TNRC6C: variants seen among roughly 807,000 people sequenced by gnomAD.
TNRC6C encodes trinucleotide repeat containing adaptor 6C.
In TNRC6C, 20 loss-of-function variants were observed where a neutral mutation model predicts 153.7. That is an observed-to-expected ratio of 0.13 (90% confidence interval 0.09 to 0.19). The LOEUF is 0.19. Among genes scored for constraint, TNRC6C ranks in the 10% least tolerant of loss-of-function variants. TNRC6C has a pLI of 1.00. For synonymous variants in TNRC6C, 811 were observed against 841.4 expected (o/e 0.96, Z 0.63); for missense variants, 1,987 against 2,172.0 (o/e 0.91, Z 1.69).
At chr17:77,966,385 A>G (rs1362207304) in intron 1 of TNRC6C, among the ~76,000 whole-genome samples, 1 of 152,178 alleles carries the variant, frequency 6.6e-6, no homozygotes, top group Non-Finnish European at 1.5e-5. Context: ...CTGTCTGTGC[A>G]AGGTGATGCC....
At chr17:77,960,579 A>AG (rs2070853738) in intron 1 of TNRC6C, among the ~76,000 whole-genome samples, 1 of 152,200 alleles carries the variant, frequency 6.6e-6, no homozygotes, top group Non-Finnish European at 1.5e-5. Context: ...TGAAATGTGT[A>AG]GGGGGTGTTG....
intron 3 of TNRC6C, among the ~76,000 whole-genome samples, chr17:78,062,603 A>G (rs1190357676): frequency 6.6e-6 from 1 of 152,256 alleles, no homozygotes; most frequent in Non-Finnish European, 1.5e-5. Context: ...CTGTCAACAT[A>G]TCAACAGTGT....
intron 16 of TNRC6C, among the ~76,000 whole-genome samples, chr17:78,095,716 A>G (rs1213200323): frequency 6.6e-6 from 1 of 152,166 alleles, no homozygotes; most frequent in Non-Finnish European, 1.5e-5. Flanking sequence ...GGGGAGTACA[A>G]TGAACATCTC....
Position 78,075,178 on chromosome 17 carries a change from T to C in TNRC6C, c.2960T>C (p.Leu987Pro), listed in dbSNP as rs1314492147. 1.2e-6 allele frequency: 2 copies of C among 1,612,610 alleles called. No individual in the cohort carries two copies. The highest frequency in any genetic ancestry group is 1.7e-5 in the Admixed American group (1 of 59,826). ...AAGGTGGACGTGGACAAGCGTGGGC[T>C]GGGAGTGACCGACCATAATGGAATG... Residue 987 changes from leucine (L) to proline (P), a missense_variant, in exon 8 of 20, where the codon CTG (leucine) becomes CCG (proline). Physicochemically the swap from Leu to Pro is moderately conservative, Grantham distance 98. Transcript: ENST00000301624. This position sits in a 1 kb window ranked among gnomAD's most constrained non-coding sequence, Gnocchi z 4.2.
intron 1 of TNRC6C, among the ~76,000 whole-genome samples, chr17:77,974,692 G>C (rs901812432): frequency 6.6e-5 from 10 of 152,322 alleles, no homozygotes; most frequent in African/African-American, 2.4e-4. Context: ...GTTATGTGTA[G>C]TCAGGGTGAT....
At chr17:78,098,719 G>A (rs998533727) in intron 17 of TNRC6C, among the ~76,000 whole-genome samples, 182 bp downstream of exon 20, 2 of 152,154 alleles carry the variant, frequency 1.3e-5, no homozygotes, top group African/African-American at 2.4e-5. Flanking sequence ...TGAGCCTGGT[G>A]TTTTTAGCAT....
At chr17:78,070,064 A>G (rs760812960) in intron 5 of TNRC6C, among the ~76,000 whole-genome samples, 2 of 152,242 alleles carry the variant, frequency 1.3e-5, no homozygotes, top group African/African-American at 2.4e-5. Context: ...TATAGTTTAT[A>G]AAAGCATTCA....
chr17:78,082,435 CAGAA>C (rs780592730), intron 10 of TNRC6C, among the ~76,000 whole-genome samples: 1 of 152,094 alleles, frequency 6.6e-6, no homozygotes, highest in Non-Finnish European at 1.5e-5. Flanking sequence ...AGCCTTAAAA[CAGAA>C]ACACAGTCTG....
At chr17:78,009,215 G>GTT (rs1555629770) in intron 1 of TNRC6C, among the ~76,000 whole-genome samples, 1 of 152,126 alleles carries the variant, frequency 6.6e-6, no homozygotes, top group Non-Finnish European at 1.5e-5. Flanking sequence ...ACTGGCATGG[G>GTT]TTTTATGACC....
intron 3 of TNRC6C, among the ~76,000 whole-genome samples, chr17:78,059,778 A>G (rs974418766): frequency 8.0e-5 from 12 of 149,752 alleles, no homozygotes; most frequent in Admixed American, 4.7e-4. Flanking sequence ...GAGCCCAGGG[A>G]GGTGAAGGCT....
intron 1 of TNRC6C, 64 bp downstream of exon 3, chr17:78,005,143 G>GA: frequency 8.9e-7 from 1 of 1,118,658 alleles, no homozygotes. Flanking sequence ...TGACCAGGAT[G>GA]ACTTTTTTTT....
intron 1 of TNRC6C, among the ~76,000 whole-genome samples, chr17:77,965,670 G>T (rs922807518): frequency 1.3e-5 from 2 of 152,118 alleles, no homozygotes; most frequent in African/African-American, 4.8e-5. Flanking sequence ...AGAGAAATGG[G>T]CACCAAACAA....
At chr17:78,100,586 A>G (rs367821768) in intron 17 of TNRC6C, among the ~76,000 whole-genome samples, 49 of 152,304 alleles carry the variant, frequency 3.2e-4, no homozygotes, top group African/African-American at 1.1e-3. Context: ...GGCCTGGCCC[A>G]TGAAGCCATT....
chr17:77,992,053 C>T (rs772744482), intron 1 of TNRC6C, among the ~76,000 whole-genome samples: 12 of 152,194 alleles, frequency 7.9e-5, no homozygotes, highest in Non-Finnish European at 1.5e-4. Flanking sequence ...ATTTGAAAGA[C>T]CTTCCGAGCC....
At chr17:78,091,073 G>A (rs2073384778) in intron 13 of TNRC6C, among the ~76,000 whole-genome samples, 1 of 152,160 alleles carries the variant, frequency 6.6e-6, no homozygotes, top group Admixed American at 6.5e-5. Context: ...AGAATTGTGG[G>A]CCTTACTTAA....
At chr17:78,098,512 C>T (rs370549877) in exon 17 of TNRC6C, 72 of 1,613,462 alleles carry the variant, frequency 4.5e-5, no homozygotes, top group Non-Finnish European at 5.9e-5. Context: ...CCAGCCCCCT[C>T]GGCTGGACCA....
At chr17:78,099,415 A>G (rs1188958052) in intron 17 of TNRC6C, among the ~76,000 whole-genome samples, 1 of 152,260 alleles carries the variant, frequency 6.6e-6, no homozygotes, top group African/African-American at 2.4e-5. Flanking sequence ...TTGGACTTAC[A>G]GTTCCATGTG....
chr17:78,064,868 C>T (rs753279035), exon 4 of TNRC6C: 1 of 1,612,534 alleles, frequency 6.2e-7, no homozygotes, highest in East Asian at 2.2e-5. Flanking sequence ...GGGAGATCAC[C>T]CTGCAGAGCC....
chr17:78,050,895 T>C, exon 3 of TNRC6C: 1 of 1,612,848 alleles, frequency 6.2e-7, no homozygotes, highest in Non-Finnish European at 8.5e-7. Flanking sequence ...ACTTGGGGGA[T>C]GGGAAAAAAA....
Sources: gnomAD v4.1 joint callset for allele counts (sites outside exome capture counted in the v4.1 genomes callset) on GRCh38, gnomAD v4.1.1 for gene constraint, Gnocchi (gnomAD v3.1) non-coding constraint, MANE v1.5 for transcripts, NCBI Gene and HGNC (gene_info 2026-07-23, HGNC 2026-07-21) for gene names.